Variants in ADGRD1 observed in about 807,000 individuals in gnomAD.
ADGRD1 encodes the protein adhesion G protein-coupled receptor D1.
In ADGRD1, 77 loss-of-function variants were observed where a neutral mutation model predicts 113.4. The ratio of observed to expected loss-of-function variants is 0.68; its 90% CI spans 0.57 to 0.82. ADGRD1 has a LOEUF of 0.82. ADGRD1 is among the 40% of genes least tolerant of loss of function. ADGRD1 has a pLI of 0.00. For missense variants in ADGRD1, 1,036 were observed against 1,139.1 expected, an observed-to-expected ratio of 0.91 and a Z score of 1.30; for synonymous variants, 474 against 475.0, an observed-to-expected ratio of 1.00 and a Z score of 0.03.
intron 13 of ADGRD1, among the ~76,000 whole-genome samples, chr12:131,018,007 A>G (rs1878837801): frequency 6.6e-6 from 1 of 152,100 alleles, no homozygotes; most frequent in South Asian, 2.1e-4. Flanking sequence ...ACCCAGCCTC[A>G]GTACACCACA....
At chr12:131,026,773 C>T (rs1246899613) in intron 13 of ADGRD1, 2 of 152,136 alleles carry the variant, frequency 1.3e-5, no homozygotes, top group Non-Finnish European at 2.9e-5. Flanking sequence ...CTAGGCATCG[C>T]CAATATACCC....
At chr12:131,047,575 G>A (rs967519546) in intron 13 of ADGRD1, among the ~76,000 whole-genome samples, 3 of 152,290 alleles carry the variant, frequency 2.0e-5, no homozygotes, top group Admixed American at 1.3e-4. Context: ...CAGTTGCACC[G>A]CCCTGTGAGC....
Position 131,045,122 on chromosome 12 carries a change from C to T in ADGRD1, c.1473+30782C>T, listed in dbSNP as rs1882550393. On this transcript the variant is annotated intron_variant, in intron 13 of 24. Transcript: ENST00000261654. ...GCTGTCCAGGGGGCCTCCAGGCAGG[C>T]ACACGCCTCCCACACCACCCGCGGG... 3.3e-5 allele frequency among the ~76,000 whole-genome samples: 5 copies of T among 152,232 alleles called. No homozygotes were observed. In the South Asian group the frequency reaches 6.2e-4, roughly 19 times the overall value.
chr12:131,137,523 C>A (rs892469344), intron 23 of ADGRD1: 18 of 202,544 alleles, frequency 8.9e-5, no homozygotes, highest in Non-Finnish European at 1.7e-4. Context: ...TTTCCCAAGT[C>A]AGCTTTGAGC....
chr12:130,966,449 C>T lies in ADGRD1; in HGVS notation c.104-14C>T. 2 of 1,574,700 alleles carry T rather than the reference C, an allele frequency of 1.3e-6. No homozygotes were observed. Among genetic ancestry groups the T allele is most frequent in the Non-Finnish European group, 1.7e-6 (2 of 1,144,288 alleles). On this transcript the variant is annotated splice_polypyrimidine_tract_variant and intron_variant, in intron 2 of 24. Coordinates refer to ENST00000261654, the MANE Select transcript of ADGRD1 (RefSeq NM_198827.5). This position sits in a 1 kb window ranked among gnomAD's most constrained non-coding sequence, Gnocchi z 4.6. Reference sequence around the variant, plus strand: ...CTAATGATGATTTAAAATTTTTATTCTTTTTTCCCCAAGGATTTCAGGTGT... The same window carrying T: ...CTAATGATGATTTAAAATTTTTATTTTTTTTTCCCCAAGGATTTCAGGTGT...
chr12:131,070,888 C>T (rs545139168), intron 13 of ADGRD1: 29 of 519,006 alleles, frequency 5.6e-5, no homozygotes, highest in East Asian at 4.9e-4. Flanking sequence ...CCTGGAGAGT[C>T]GGGTGAGTCT....
intron 3 of ADGRD1, chr12:130,968,698 T>C: frequency 2.2e-6 from 1 of 459,500 alleles, no homozygotes; most frequent in Non-Finnish European, 3.9e-6. Flanking sequence ...TGCCTATGTG[T>C]TGGAGCCAGA....
chr12:131,125,394 T>A (rs1307724524), intron 20 of ADGRD1, among the ~76,000 whole-genome samples: 1 of 151,000 alleles, frequency 6.6e-6, no homozygotes, highest in Non-Finnish European at 1.5e-5. Context: ...AGAAGGAGAG[T>A]GCCTCCAGGT....
Position 131,120,839 on chromosome 12 carries a change from C to T in ADGRD1, c.2109-8C>T. 6.2e-7 allele frequency: 1 copy of T among 1,614,194 alleles called. No homozygotes were observed. Among genetic ancestry groups the T allele is most frequent in the South Asian group, 1.1e-5 (1 of 91,088 alleles). Reference sequence around the variant, plus strand: ...TTGTTGAAGTAACGGCTCTGCTTCCCTCCGCAGTTGCTGGCTGTCGTTGGC... The same window carrying T: ...TTGTTGAAGTAACGGCTCTGCTTCCTTCCGCAGTTGCTGGCTGTCGTTGGC... On this transcript the variant is annotated splice_polypyrimidine_tract_variant and splice_region_variant and intron_variant, in intron 19 of 24. Coordinates refer to ENST00000261654, the MANE Select transcript of ADGRD1 (RefSeq NM_198827.5).
At position 130,966,624 on chromosome 12, in the gene ADGRD1, C is replaced by T; in HGVS notation, c.187+78C>T. 1 of 914,966 alleles carries T rather than the reference C, an allele frequency of 1.1e-6. No homozygotes were observed. The highest frequency in any genetic ancestry group is 1.3e-5 in the South Asian group (1 of 76,170). 56.7% of individuals were successfully genotyped at this position (914,966 alleles called of 1,614,324 possible). A position where few individuals can be genotyped will look rare whatever the true frequency, so the allele number is the denominator to read the frequency against. On this transcript the variant is annotated intron_variant, in intron 3 of 24. Coordinates refer to ENST00000261654, the MANE Select transcript of ADGRD1 (RefSeq NM_198827.5). The surrounding 1 kb of genome is among the most constrained non-coding windows in gnomAD (Gnocchi z 4.6). ...CAGGAGGCGTGGGTGCTGAGAGTGGCTGGCCTTGAAATCCCAGGGCCATTG... is the reference window on the plus strand; with the variant it reads ...CAGGAGGCGTGGGTGCTGAGAGTGGTTGGCCTTGAAATCCCAGGGCCATTG...
intron 3 of ADGRD1, chr12:130,968,038 C>T (rs1871208024): frequency 6.6e-6 from 1 of 152,220 alleles, no homozygotes; most frequent in Non-Finnish European, 1.5e-5. Context: ...GAAATGCCTT[C>T]TTGAAACAGC....
chr12:131,017,641 C>T (rs540958463), intron 13 of ADGRD1, among the ~76,000 whole-genome samples: 83 of 151,136 alleles, frequency 5.5e-4, no homozygotes, highest in African/African-American at 1.9e-3. Flanking sequence ...CACACACACC[C>T]AGCACAGACA....
intron 23 of ADGRD1, chr12:131,137,784 G>A (rs1951129090): frequency 3.1e-6 from 1 of 321,646 alleles, no homozygotes; most frequent in African/African-American, 2.1e-5. Flanking sequence ...GGATCCCGGT[G>A]GCAGGAAGGC....
At chr12:131,023,695 A>G (rs1195894) in intron 13 of ADGRD1, 142,303 of 152,224 alleles carry the variant, frequency 0.93, 67,138 homozygotes, top group East Asian at 1. Flanking sequence ...TATTCAGCTC[A>G]TCTCCTACTC....
intron 12 of ADGRD1, among the ~76,000 whole-genome samples, chr12:131,012,965 A>C (rs1313396250): frequency 6.6e-6 from 1 of 152,156 alleles, no homozygotes; most frequent in East Asian, 1.9e-4. Context: ...AATTCATGGA[A>C]CAGATACTTG....
intron 13 of ADGRD1, among the ~76,000 whole-genome samples, chr12:131,032,501 G>C (rs545829147): frequency 5.9e-5 from 9 of 152,288 alleles, no homozygotes; most frequent in Non-Finnish European, 1.0e-4. Flanking sequence ...CTGCAGGCCC[G>C]GGTGCCAGCA....
At chr12:130,972,262 C>T (rs1464580364) in intron 4 of ADGRD1, among the ~76,000 whole-genome samples, 5 of 152,178 alleles carry the variant, frequency 3.3e-5, no homozygotes, top group Admixed American at 6.5e-5. Flanking sequence ...TCCAAACCAG[C>T]TTGGAGCCTT....
intron 13 of ADGRD1, among the ~76,000 whole-genome samples, chr12:131,076,299 A>G (rs972176670): frequency 2.6e-5 from 4 of 152,236 alleles, no homozygotes; most frequent in Non-Finnish European, 4.4e-5. Context: ...CACAGTGGAC[A>G]GTGGATATGT....
At chr12:131,092,750 G>A (rs1005515333) in intron 15 of ADGRD1, among the ~76,000 whole-genome samples, 3 of 152,170 alleles carry the variant, frequency 2.0e-5, no homozygotes, top group African/African-American at 4.8e-5. Context: ...TCAATAGGAC[G>A]GTCATGAACC....
Sources: gnomAD v4.1 joint callset for allele counts (sites outside exome capture counted in the v4.1 genomes callset) on GRCh38, gnomAD v4.1.1 for gene constraint, Gnocchi (gnomAD v3.1) non-coding constraint, MANE v1.5 for transcripts, NCBI Gene and HGNC (gene_info 2026-07-23, HGNC 2026-07-21) for gene names.